FOXP1: variants seen among roughly 807,000 people sequenced by gnomAD.
The protein encoded by FOXP1 is forkhead box protein P1.
FOXP1 carries 15 observed loss-of-function variants against 98.2 expected under a neutral mutation model. The observed-to-expected ratio is 0.15, with a 90% CI of 0.10 to 0.24. The LOEUF (loss-of-function observed/expected upper bound fraction) is 0.24. Among genes scored for constraint, FOXP1 ranks in the 10% least tolerant of loss-of-function variants. The pLI, the probability that FOXP1 is intolerant of heterozygous loss-of-function variation, is 1.00. For synonymous variants in FOXP1, 371 were observed against 314.5 expected (o/e 1.18, Z -1.90); for missense variants, 633 against 848.5 (o/e 0.75, Z 3.15).
chr3:70,973,883 A>G (rs1322435718), intron 17 of FOXP1, among the ~76,000 whole-genome samples: 1 of 95,798 alleles, frequency 1.0e-5, no homozygotes, highest in East Asian at 3.5e-4. Context: ...CACCTGGAGT[A>G]TTTCCTTCCT....
At chr3:71,547,081 T>G (rs1041603977) in intron 2 of FOXP1, among the ~76,000 whole-genome samples, 1 of 152,226 alleles carries the variant, frequency 6.6e-6, no homozygotes, top group African/African-American at 2.4e-5. Context: ...CTGTCAGTTT[T>G]AGGAAATAAA....
chr3:71,070,622 C>A (rs2053099673), intron 7 of FOXP1, among the ~76,000 whole-genome samples: 2 of 152,192 alleles, frequency 1.3e-5, no homozygotes, highest in South Asian at 4.1e-4. Context: ...AACAAGGGCA[C>A]TCTCGGGCCC....
In FOXP1 at chr3:71,224,804, C is replaced by T. The variant is rs1009090682; in HGVS notation, c.-11-26412G>A. 3.3e-5 allele frequency among the ~76,000 whole-genome samples: 5 copies of T among 152,126 alleles called. No homozygotes were observed. The East Asian group carries it at 5.8e-4, about 18-fold the overall frequency. On this transcript the variant is annotated intron_variant, in intron 5 of 20. Coordinates refer to ENST00000649528, the MANE Select transcript of FOXP1 (RefSeq NM_001349338.3). ...ATTAGCACTGTAGGCCAAGGACACC[C>T]GACAGACTGGTTGTTGTGACAAGGT...
At position 71,456,390 on chromosome 3, in the gene FOXP1, T is replaced by G. The variant is rs148770292; in HGVS notation, c.-168+37036A>C. On this transcript the variant is annotated intron_variant, in intron 3 of 20. Coordinates refer to ENST00000649528, the MANE Select transcript of FOXP1 (RefSeq NM_001349338.3). ...CTCCACTAGATGGAAGGTGCCGGGT[T>G]TTCTTGTACATCTCATTTTTCAGCA... Among the ~76,000 whole-genome samples, 241 of 152,288 alleles carry G rather than the reference T, an allele frequency of 1.6e-3. 3 individuals are homozygous for G. Among genetic ancestry groups the G allele is most frequent in the African/African-American group, 5.6e-3 (232 of 41,564 alleles).
intron 17 of FOXP1, among the ~76,000 whole-genome samples, chr3:70,975,397 A>C (rs1033096132): frequency 2.6e-5 from 4 of 152,222 alleles, no homozygotes; most frequent in Admixed American, 1.3e-4. Flanking sequence ...TGGAAATGAA[A>C]GGATAATTTG....
At chr3:71,114,313 C>A (rs831446) in intron 6 of FOXP1, among the ~76,000 whole-genome samples, 150,589 of 152,300 alleles carry the variant, frequency 0.99, 74,472 homozygotes, top group East Asian at 1. Flanking sequence ...GTCCCTGTGC[C>A]TGGAACTCAG....
intron 8 of FOXP1, among the ~76,000 whole-genome samples, chr3:71,052,950 C>T (rs186201660): frequency 2.0e-5 from 3 of 152,140 alleles, no homozygotes; most frequent in African/African-American, 7.2e-5. Flanking sequence ...CTTCTGCATG[C>T]TTTCTAAATG....
At chr3:71,190,923 CAA>C (rs2108336567) in intron 6 of FOXP1, among the ~76,000 whole-genome samples, 1 of 152,274 alleles carries the variant, frequency 6.6e-6, no homozygotes, top group African/African-American at 2.4e-5. Context: ...AGTTCAAAGA[CAA>C]AGTGATGAAA....
At chr3:71,193,112 A>G (rs1310522904) in intron 6 of FOXP1, among the ~76,000 whole-genome samples, 1 of 151,620 alleles carries the variant, frequency 6.6e-6, no homozygotes, top group Non-Finnish European at 1.5e-5. Context: ...TGTATTTTCT[A>G]CATCCCCTTT....
intron 2 of FOXP1, among the ~76,000 whole-genome samples, chr3:71,515,449 A>AAAAAAAC (rs1560592247): frequency 2.8e-5 from 4 of 140,590 alleles, no homozygotes; most frequent in Non-Finnish European, 4.6e-5. Context: ...AAAAAAAAAA[A>AAAAAAAC]AAAACTGCAC....
intron 5 of FOXP1, among the ~76,000 whole-genome samples, chr3:71,229,256 AT>A (rs1400392508): frequency 6.6e-6 from 1 of 152,164 alleles, no homozygotes; most frequent in Non-Finnish European, 1.5e-5. Flanking sequence ...TTTCATTCTG[AT>A]TAATTACTAG....
At chr3:70,992,373 A>T (rs1459161414) in intron 13 of FOXP1, among the ~76,000 whole-genome samples, 2 of 152,046 alleles carry the variant, frequency 1.3e-5, no homozygotes, top group Non-Finnish European at 2.9e-5. Flanking sequence ...TTACTTAGGC[A>T]GGGTATATCC....
chr3:71,421,839 G>C (rs2083677337), intron 3 of FOXP1, among the ~76,000 whole-genome samples: 3 of 152,164 alleles, frequency 2.0e-5, no homozygotes, highest in Admixed American at 2.0e-4. Flanking sequence ...AAACAGACCA[G>C]TGTTGGCCCT....
In FOXP1 at chr3:71,482,479, C is replaced by T. The variant is rs150393973; in HGVS notation, c.-168+10947G>A. Among the ~76,000 whole-genome samples, 674 of 151,248 alleles carry T rather than the reference C, an allele frequency of 4.5e-3. 4 individuals are homozygous for T. Among genetic ancestry groups the T allele is most frequent in the Non-Finnish European group, 6.5e-3 (443 of 67,928 alleles). On this transcript the variant is annotated intron_variant, in intron 3 of 20. Coordinates refer to ENST00000649528, the MANE Select transcript of FOXP1 (RefSeq NM_001349338.3). The stretch of plus-strand genomic sequence containing the variant: ...GGCCTCCTGGGTTCAAGCAATTCTC[C>T]GGCCTCAGCAGTAACAGGGATTACA...
At position 71,337,453 on chromosome 3, in the gene FOXP1, C is replaced by T. The variant is rs116031668; in HGVS notation, c.-73+21697G>A. 7.1e-3 allele frequency among the ~76,000 whole-genome samples: 1,075 copies of T among 152,228 alleles called. 12 individuals are homozygous for T. Among genetic ancestry groups the T allele is most frequent in the African/African-American group, 0.024 (989 of 41,522 alleles). ...ATCTGGTTCAGAACTGATCTGTGCG[C>T]GAGCATGTGTATAGTTGGGAGTGGG... On this transcript the variant is annotated intron_variant, in intron 4 of 20. Transcript: ENST00000649528.
At chr3:71,109,933 T>C (rs961938021) in intron 7 of FOXP1, among the ~76,000 whole-genome samples, 1 of 152,148 alleles carries the variant, frequency 6.6e-6, no homozygotes, top group African/African-American at 2.4e-5. Flanking sequence ...TGCTTGTCAA[T>C]TCCTCTACTT....
At chr3:71,554,330 G>A (rs2045972165) in intron 2 of FOXP1, among the ~76,000 whole-genome samples, 2 of 152,244 alleles carry the variant, frequency 1.3e-5, no homozygotes, top group South Asian at 2.1e-4. Flanking sequence ...TCCAGCCTGG[G>A]TGACAGAGGG....
intron 12 of FOXP1, among the ~76,000 whole-genome samples, chr3:71,013,832 C>T (rs2044034608): frequency 6.6e-6 from 1 of 152,144 alleles, no homozygotes; most frequent in Non-Finnish European, 1.5e-5. Context: ...ACAGAGCCCT[C>T]AGAAATAATA....
chr3:71,441,557 T>C (rs1577531855), intron 3 of FOXP1, among the ~76,000 whole-genome samples: 1 of 152,220 alleles, frequency 6.6e-6, no homozygotes, highest in Non-Finnish European at 1.5e-5. Flanking sequence ...TCTAGGAGAA[T>C]GATCCTACGA....
Sources: allele counts gnomAD v4.1 joint callset (sites outside exome capture counted in the v4.1 genomes callset), GRCh38; gene constraint gnomAD v4.1.1; transcripts MANE v1.5; gene names NCBI Gene and HGNC (gene_info 2026-07-23, HGNC 2026-07-21).